LRP1B: variants seen among roughly 807,000 people sequenced by gnomAD.
LRP1B encodes the protein LDL receptor related protein 1B.
A neutral mutation model predicts 556.6 loss-of-function variants in LRP1B; 217 were observed. The observed-to-expected ratio is 0.39, with a 90% CI of 0.35 to 0.44. LRP1B has a LOEUF of 0.44. Ranked by LOEUF, LRP1B falls within the 20% of genes least tolerant of loss-of-function variation. The pLI is 1.00. For missense variants in LRP1B, 5,053 were observed against 5,620.8 expected, an observed-to-expected ratio of 0.90 and a Z score of 3.23; for synonymous variants, 2,047 against 1,865.8, an observed-to-expected ratio of 1.10 and a Z score of -2.50.
In LRP1B at chr2:141,564,138, A is replaced by T. The variant is rs534211698; in HGVS notation, c.206-83605T>A. Reference sequence around the variant, plus strand: ...GAAGATTGAGTGAAGATTTTGTTTGAGAAATGAAGGACTTATTTGTGTTAA... The same window carrying T: ...GAAGATTGAGTGAAGATTTTGTTTGTGAAATGAAGGACTTATTTGTGTTAA... On this transcript the variant is annotated intron_variant, in intron 2 of 90. Transcript: ENST00000389484. 8.8e-4 allele frequency among the ~76,000 whole-genome samples: 134 copies of T among 152,260 alleles called. 2 individuals are homozygous for T. The highest frequency in any genetic ancestry group is 3.1e-3 in the African/African-American group (128 of 41,572).
chr2:141,747,541 G>T (rs1013306591), intron 2 of LRP1B, among the ~76,000 whole-genome samples: 1 of 152,178 alleles, frequency 6.6e-6, no homozygotes, highest in African/African-American at 2.4e-5. Flanking sequence ...GGAGGCTGAG[G>T]CAGGAGGACT....
intron 1 of LRP1B, among the ~76,000 whole-genome samples, chr2:141,933,327 T>C (rs1700554041): frequency 1.3e-5 from 2 of 151,980 alleles, no homozygotes; most frequent in African/African-American, 4.8e-5. Context: ...AGTTAAGAAA[T>C]ACTCTGAGGT....
chr2:141,137,271 G>A (rs924595398), intron 7 of LRP1B, among the ~76,000 whole-genome samples: 3 of 151,914 alleles, frequency 2.0e-5, no homozygotes, highest in African/African-American at 4.8e-5. Context: ...TTACAGAGGG[G>A]AGAAAAGTGC....
chr2:141,617,021 T>C (rs1688325970), intron 2 of LRP1B, among the ~76,000 whole-genome samples: 1 of 152,232 alleles, frequency 6.6e-6, no homozygotes. Context: ...TTAATCCATC[T>C]GCCATGCCTT....
At chr2:140,389,212 T>G (rs16843894) in intron 66 of LRP1B, among the ~76,000 whole-genome samples, 13,335 of 152,014 alleles carry the variant, frequency 0.088, 691 homozygotes, top group Middle Eastern at 0.14. Context: ...AGAAAGGTAA[T>G]ATGAGAGACC....
At chr2:142,000,667 T>C (rs977963039) in intron 1 of LRP1B, among the ~76,000 whole-genome samples, 3 of 152,142 alleles carry the variant, frequency 2.0e-5, no homozygotes, top group African/African-American at 7.2e-5. Flanking sequence ...CTAAACACAG[T>C]CATAATGCTT....
chr2:140,454,017 A>T (rs1686985064), intron 62 of LRP1B, among the ~76,000 whole-genome samples: 1 of 152,228 alleles, frequency 6.6e-6, no homozygotes, highest in Admixed American at 6.5e-5. Flanking sequence ...AGTATACAAG[A>T]GATATATTTT....
intron 24 of LRP1B, among the ~76,000 whole-genome samples, chr2:140,884,712 C>A (rs1256290247): frequency 6.6e-6 from 1 of 152,024 alleles, no homozygotes; most frequent in African/African-American, 2.4e-5. Context: ...AAAAAAAAAT[C>A]TTTTTTTCTA....
intron 11 of LRP1B, among the ~76,000 whole-genome samples, chr2:141,034,253 G>T (rs1468815204): frequency 6.6e-6 from 1 of 152,016 alleles, no homozygotes; most frequent in Non-Finnish European, 1.5e-5. Context: ...GATCGCTGAT[G>T]GTATATTTTT....
At chr2:141,134,150 C>G (rs1057195839) in intron 7 of LRP1B, among the ~76,000 whole-genome samples, 1 of 151,710 alleles carries the variant, frequency 6.6e-6, no homozygotes, top group African/African-American at 2.4e-5. Flanking sequence ...TCATGCACTG[C>G]CTTAATATAT....
chr2:142,042,856 T>C (rs1045155026), intron 1 of LRP1B, among the ~76,000 whole-genome samples: 3 of 151,560 alleles, frequency 2.0e-5, no homozygotes, highest in African/African-American at 7.3e-5. Context: ...TTATTGCTTT[T>C]ATCAGATGAG....
chr2:141,579,087 G>A (rs1266174171), intron 2 of LRP1B, among the ~76,000 whole-genome samples: 1 of 152,048 alleles, frequency 6.6e-6, no homozygotes, highest in African/African-American at 2.4e-5. Context: ...AACTATATTG[G>A]ATATACCTAT....
Position 141,250,732 on chromosome 2 carries a change from C to A in LRP1B, c.464-3378G>T, listed in dbSNP as rs114192689. On this transcript the variant is annotated intron_variant, in intron 4 of 90. Transcript: ENST00000389484. Reference sequence around the variant, plus strand: ...AGTCTTGCAGTACTAGGTCCTTAACCCATGCAGTCTACGCTACCTCTGGAT... The same window carrying A: ...AGTCTTGCAGTACTAGGTCCTTAACACATGCAGTCTACGCTACCTCTGGAT... Among the ~76,000 whole-genome samples, 813 of 152,092 alleles carry A rather than the reference C, an allele frequency of 5.3e-3. 9 individuals carry two copies. The highest frequency in any genetic ancestry group is 0.017 in the African/African-American group (689 of 41,484).
intron 1 of LRP1B, among the ~76,000 whole-genome samples, chr2:141,876,945 C>A (rs2104885380): frequency 6.6e-6 from 1 of 151,910 alleles, no homozygotes; most frequent in East Asian, 1.9e-4. Flanking sequence ...CCCAGTATGC[C>A]ATTAGATATT....
intron 2 of LRP1B, among the ~76,000 whole-genome samples, chr2:141,605,661 G>A (rs1196653477): frequency 6.6e-6 from 1 of 152,076 alleles, no homozygotes; most frequent in African/African-American, 2.4e-5. Context: ...CACAGGTAAA[G>A]GCCAAGCACA....
chr2:140,487,872 C>T, intron 57 of LRP1B, 133 bp from the exon 58 acceptor site: 1 of 506,568 alleles, frequency 2.0e-6, no homozygotes, highest in Non-Finnish European at 3.3e-6. Context: ...GTATTTGCTA[C>T]CAGTTCTCAT....
chr2:141,308,985 G>C (rs750406843), intron 3 of LRP1B, among the ~76,000 whole-genome samples: 1 of 152,088 alleles, frequency 6.6e-6, no homozygotes, highest in Admixed American at 6.6e-5. Flanking sequence ...GGATTAAAAA[G>C]AGCAGGTGTT....
chr2:141,345,873 A>C (rs1017889233), intron 3 of LRP1B, among the ~76,000 whole-genome samples: 1 of 151,036 alleles, frequency 6.6e-6, no homozygotes, highest in Non-Finnish European at 1.5e-5. Flanking sequence ...TTAACCTCTA[A>C]TTTTCTTTGT....
intron 27 of LRP1B, among the ~76,000 whole-genome samples, chr2:140,864,714 ATAGT>A (rs1692897502): frequency 6.6e-6 from 1 of 152,070 alleles, no homozygotes; most frequent in Admixed American, 6.6e-5. Context: ...TGATAAAAAT[ATAGT>A]TAGATTAGAT....
Sources: gnomAD v4.1 joint callset for allele counts (sites outside exome capture counted in the v4.1 genomes callset) on GRCh38, gnomAD v4.1.1 for gene constraint, MANE v1.5 for transcripts, NCBI Gene and HGNC (gene_info 2026-07-23, HGNC 2026-07-21) for gene names.